The following ELOVL2 variants were observed in gnomAD, a reference collection of about 807,000 sequenced individuals.
ELOVL2 encodes very long chain fatty acid elongase 2.
A neutral mutation model predicts 37.7 loss-of-function variants in ELOVL2; 38 were observed. That is an observed-to-expected ratio of 1.01 (90% CI 0.78 to 1.32). The LOEUF (loss-of-function observed/expected upper bound fraction) is 1.32. Among genes scored for constraint, ELOVL2 ranks in the 40% most tolerant of loss-of-function variants. The probability of loss-of-function intolerance (pLI) is 0.00; values close to 1 mark genes in which losing one functional copy is unlikely to be tolerated. For synonymous variants in ELOVL2, 115 were observed against 122.3 expected (o/e 0.94, Z 0.40); for missense variants, 352 against 363.6 (o/e 0.97, Z 0.26).
chr6:10,990,288 G>A (rs1401433742), intron 6 of ELOVL2, 30 bp downstream of exon 6: 7 of 1,604,976 alleles, frequency 4.4e-6, no homozygotes, highest in South Asian at 2.3e-5. Flanking sequence ...TAAGCCACAT[G>A]GAGAAAAGCT....
intron 1 of ELOVL2, among the ~76,000 whole-genome samples, chr6:11,018,596 A>G (rs993578012): frequency 2.0e-5 from 3 of 152,178 alleles, no homozygotes; most frequent in African/African-American, 7.2e-5. Flanking sequence ...TTCTCATTCA[A>G]TTGGTCTAGA....
chr6:11,030,858 TA>T (rs1356097846), intron 1 of ELOVL2, among the ~76,000 whole-genome samples: 1 of 152,186 alleles, frequency 6.6e-6, no homozygotes, highest in African/African-American at 2.4e-5. Context: ...ACACAACTGA[TA>T]AAGTTCTCAC....
intron 1 of ELOVL2, among the ~76,000 whole-genome samples, chr6:11,022,647 G>C (rs2113543264): frequency 6.6e-6 from 1 of 152,256 alleles, no homozygotes; most frequent in Non-Finnish European, 1.5e-5. Flanking sequence ...TGCACAGAAT[G>C]GTGCTTGGTT....
At chr6:11,004,906 C>T (rs1782452534) in intron 3 of ELOVL2, among the ~76,000 whole-genome samples, 1 of 152,146 alleles carries the variant, frequency 6.6e-6, no homozygotes, top group Admixed American at 6.5e-5. Flanking sequence ...CACCTGTACT[C>T]CCAGCACTTT....
In ELOVL2 at chr6:11,004,279, T is replaced by A. The variant is rs930754458; in HGVS notation, c.255+1093A>T. Among the ~76,000 whole-genome samples, 8 of 152,162 alleles carry A rather than the reference T, an allele frequency of 5.3e-5. 1 individual carries two copies. Among genetic ancestry groups the A allele is most frequent in the African/African-American group, 1.9e-4 (8 of 41,440 alleles). The stretch of plus-strand genomic sequence containing the variant: ...AGAACTTTCATTTTAAGGCAAGGAT[T>A]TGTTTTCTTTTAGAACTCAAGATCA... On this transcript the variant is annotated intron_variant, in intron 3 of 7. Transcript: ENST00000354666.
intron 4 of ELOVL2, among the ~76,000 whole-genome samples, chr6:10,996,941 C>T (rs943126108): frequency 6.6e-6 from 1 of 152,070 alleles, no homozygotes; most frequent in Non-Finnish European, 1.5e-5. Flanking sequence ...ACCCAGGAGG[C>T]AGAGGTTGCA....
At chr6:11,009,888 A>G (rs1244692273) in intron 2 of ELOVL2, among the ~76,000 whole-genome samples, 2 of 152,182 alleles carry the variant, frequency 1.3e-5, no homozygotes, top group African/African-American at 2.4e-5. Flanking sequence ...AAATGACTGG[A>G]AGGGGCAAGA....
intron 2 of ELOVL2, among the ~76,000 whole-genome samples, chr6:11,007,165 T>C (rs1561719897): frequency 6.6e-6 from 1 of 152,238 alleles, no homozygotes; most frequent in Non-Finnish European, 1.5e-5. Context: ...CCTAGAAAAG[T>C]GAAATGACTT....
intron 1 of ELOVL2, among the ~76,000 whole-genome samples, chr6:11,023,528 A>G (rs1782797839): frequency 6.6e-6 from 1 of 152,230 alleles, no homozygotes; most frequent in African/African-American, 2.4e-5. Context: ...TGGTAATCAA[A>G]AGGATTATTA....
chr6:11,027,924 T>C (rs1782863445), intron 1 of ELOVL2, among the ~76,000 whole-genome samples: 1 of 152,248 alleles, frequency 6.6e-6, no homozygotes, highest in Non-Finnish European at 1.5e-5. Flanking sequence ...TTTGTCAACA[T>C]TTCTCTTTCA....
At chr6:11,032,978 GGTAGGGAATCAAGCCATACCAGAGACCCA>G (rs1782954267) in intron 1 of ELOVL2, among the ~76,000 whole-genome samples, 1 of 152,132 alleles carries the variant, frequency 6.6e-6, no homozygotes, top group African/African-American at 2.4e-5. Context: ...GAAATAAGCT[GGTAGGGAATCAAGCCATACCAGAGACCCA>G]GAAACTTCAT....
intron 1 of ELOVL2, among the ~76,000 whole-genome samples, chr6:11,023,803 G>A (rs537756745): frequency 3.0e-4 from 46 of 152,228 alleles, no homozygotes; most frequent in Admixed American, 1.0e-3. Context: ...ATTTAAATCT[G>A]AATAATGTCA....
At chr6:10,985,720 T>C (rs939296823) in intron 7 of ELOVL2, among the ~76,000 whole-genome samples, 1 of 152,086 alleles carries the variant, frequency 6.6e-6, no homozygotes, top group African/African-American at 2.4e-5. Flanking sequence ...TCTGTTTTGG[T>C]AACAGTACCA....
Position 10,990,256 on chromosome 6 carries a change from TTC to T in ELOVL2, c.630+60_630+61del, listed in dbSNP as rs1299426284. The T allele has an allele frequency of 1.9e-6, 3 of 1,576,142 alleles. No individual in the cohort carries two copies. In the Admixed American group the frequency reaches 6.1e-5, roughly 32 times the overall value. On this transcript the variant is annotated intron_variant, in intron 6 of 7. Coordinates refer to ENST00000354666, the MANE Select transcript of ELOVL2 (RefSeq NM_017770.4). The stretch of plus-strand genomic sequence containing the variant: ...TAAAAAGCCCTCTGACTTCTAAGAT[TTC>T]TATTTCCTTTCCCCATCCATAAGCC...
At chr6:11,006,948 TA>T (rs1782492553) in intron 2 of ELOVL2, among the ~76,000 whole-genome samples, 1 of 152,230 alleles carries the variant, frequency 6.6e-6, no homozygotes, top group Non-Finnish European at 1.5e-5. Context: ...CTCATATGCA[TA>T]GCAAGACAAT....
At chr6:10,998,780 G>A (rs1197853802) in intron 4 of ELOVL2, among the ~76,000 whole-genome samples, 1 of 152,136 alleles carries the variant, frequency 6.6e-6, no homozygotes, top group Non-Finnish European at 1.5e-5. Context: ...ATTCTATTTA[G>A]AGAGCACAAT....
chr6:11,042,187 C>A (rs891534278), intron 1 of ELOVL2, among the ~76,000 whole-genome samples: 2 of 152,018 alleles, frequency 1.3e-5, no homozygotes, highest in Non-Finnish European at 2.9e-5. Flanking sequence ...GTGACGTGCG[C>A]CTGTAATCCC....
intron 2 of ELOVL2, among the ~76,000 whole-genome samples, chr6:11,008,657 C>T (rs1161293031): frequency 6.6e-6 from 1 of 152,088 alleles, no homozygotes; most frequent in Non-Finnish European, 1.5e-5. Context: ...TTTCTACCCA[C>T]TAGAACTGTA....
At chr6:10,987,749 G>A (rs1782077000) in intron 7 of ELOVL2, among the ~76,000 whole-genome samples, 1 of 152,176 alleles carries the variant, frequency 6.6e-6, no homozygotes, top group Admixed American at 6.5e-5. Flanking sequence ...CACTTGGAAA[G>A]ATAAAACTTT....
Sources: allele counts gnomAD v4.1 joint callset (sites outside exome capture counted in the v4.1 genomes callset), GRCh38; gene constraint gnomAD v4.1.1; transcripts MANE v1.5; gene names NCBI Gene and HGNC (gene_info 2026-07-23, HGNC 2026-07-21).